DHRSX: variants seen among roughly 807,000 people sequenced by gnomAD.
DHRSX encodes the protein dehydrogenase/reductase X-linked.
Under a neutral mutation model 34.0 loss-of-function variants are expected in DHRSX, and 31 were observed. The ratio of observed to expected loss-of-function variants is 0.91; its 90% confidence interval spans 0.69 to 1.23. The LOEUF is 1.23. Ranked by LOEUF, DHRSX falls within the 50% of genes most tolerant of loss-of-function variation. DHRSX has a pLI of 0.00. For missense variants in DHRSX, 414 were observed against 428.1 expected (o/e 0.97, Z 0.29); for synonymous variants, 201 against 183.8 (o/e 1.09, Z -0.76).
At chrX:2,440,314 T>A (rs925863659) in intron 1 of DHRSX, among the ~76,000 whole-genome samples, 20 of 150,142 alleles carry the variant, frequency 1.3e-4, no homozygotes, top group Non-Finnish European at 2.5e-4. Flanking sequence ...AAACCTCCCA[T>A]CTCAGCCTCC....
chrX:2,240,046 A>G (rs1440169457), intron 6 of DHRSX, among the ~76,000 whole-genome samples: 1 of 151,982 alleles, frequency 6.6e-6, no homozygotes, highest in African/African-American at 2.4e-5. Flanking sequence ...TAATCCCATC[A>G]CTTAGGAAGG....
intron 1 of DHRSX, among the ~76,000 whole-genome samples, chrX:2,434,854 T>G (rs1001138183): frequency 3.9e-5 from 6 of 152,196 alleles, no homozygotes; most frequent in Admixed American, 2.6e-4. Flanking sequence ...AAAGACTTTT[T>G]GCAGGTGTTA....
At chrX:2,453,947 A>C (rs1056947732) in intron 1 of DHRSX, among the ~76,000 whole-genome samples, 6 of 152,150 alleles carry the variant, frequency 3.9e-5, no homozygotes, top group African/African-American at 1.4e-4. Context: ...AATTAACTTT[A>C]TTGTTAATAT....
intron 2 of DHRSX, among the ~76,000 whole-genome samples, chrX:2,414,591 A>G (rs942621492): frequency 2.6e-5 from 4 of 151,938 alleles, no homozygotes; most frequent in African/African-American, 9.7e-5. Context: ...TCTCCTCATG[A>G]CATAATCCAA....
rs752527455 is a variant in DHRSX, at chrX:2,488,587, T to C, written c.109+12230A>G. The C allele has an allele frequency of 2.6e-6, 4 of 1,535,492 alleles. No individual in the cohort carries two copies. In the African/African-American group the frequency reaches 4.2e-5, roughly 16 times the overall value. On this transcript the variant is annotated intron_variant, in intron 1 of 6. Transcript: ENST00000334651. ...CCGGGTAAGTATTTACAGCAAAGCATCCAATGGGCTGCTGCGGGGATGACT... is the reference window on the plus strand; with the variant it reads ...CCGGGTAAGTATTTACAGCAAAGCACCCAATGGGCTGCTGCGGGGATGACT...
chrX:2,283,020 A>C (rs1412653025), intron 4 of DHRSX, among the ~76,000 whole-genome samples: 2 of 151,418 alleles, frequency 1.3e-5, no homozygotes, highest in Non-Finnish European at 2.9e-5. Flanking sequence ...AGAGAATGAC[A>C]GAGAGACGGG....
At chrX:2,261,628 T>C (rs34165489) in intron 5 of DHRSX, 39,900 of 151,832 alleles carry the variant, frequency 0.26, 7,027 homozygotes, top group African/African-American at 0.48. Context: ...AAAAATCAAC[T>C]GGACGTGGTG....
At chrX:2,244,931 C>T (rs1447030344) in intron 5 of DHRSX, among the ~76,000 whole-genome samples, 8 of 151,960 alleles carry the variant, frequency 5.3e-5, no homozygotes, top group South Asian at 2.1e-4. Context: ...AGGATGGTCT[C>T]GATCTCCTGA....
intron 3 of DHRSX, among the ~76,000 whole-genome samples, chrX:2,333,893 G>T (rs779364839): frequency 4.9e-4 from 75 of 152,184 alleles, no homozygotes; most frequent in African/African-American, 1.7e-3. Context: ...ATGATCTCCA[G>T]CTCCATCCAT....
In DHRSX at chrX:2,249,934, C is replaced by A. The variant is rs770168555; in HGVS notation, c.597-6704G>T. Among the ~76,000 whole-genome samples, 418 of 151,832 alleles carry A rather than the reference C, an allele frequency of 2.8e-3. 1 individual carries two copies. Among genetic ancestry groups the A allele is most frequent in the African/African-American group, 9.6e-3 (398 of 41,476 alleles). On this transcript the variant is annotated intron_variant, in intron 5 of 6. Transcript: ENST00000334651. The stretch of plus-strand genomic sequence containing the variant: ...ATCCCAGGACTTTGGGAGGCCAAGG[C>A]TGGCAGATCACGAGGTCAGGAGATC...
chrX:2,254,562 G>T (rs1290203197), intron 5 of DHRSX, among the ~76,000 whole-genome samples: 4 of 152,100 alleles, frequency 2.6e-5, no homozygotes, highest in Admixed American at 6.6e-5. Flanking sequence ...TAATATTCTT[G>T]ATAACTATCA....
chrX:2,220,747 G>C lies in DHRSX; in HGVS notation c.*294C>G, dbSNP rs1007887648. ...GTACTCAGTTGTATTAACGCGGCAA[G>C]GAAAATGGCACATTTATGTTGGAAA... is the stretch of plus-strand genomic sequence containing the variant. On this transcript the variant is annotated 3_prime_UTR_variant, in exon 7 of 7. Coordinates refer to ENST00000334651, the MANE Select transcript of DHRSX (RefSeq NM_145177.3). The C allele has an allele frequency of 3.3e-5, 14 of 421,084 alleles. No individual in the cohort carries two copies. Among genetic ancestry groups the C allele is most frequent in the African/African-American group, 2.7e-4 (14 of 50,994 alleles). 26.1% of individuals were successfully genotyped at this position (421,084 alleles called of 1,614,324 possible).
intron 3 of DHRSX, among the ~76,000 whole-genome samples, chrX:2,340,671 G>C (rs1360658518): frequency 6.6e-6 from 1 of 152,094 alleles, no homozygotes; most frequent in Non-Finnish European, 1.5e-5. Flanking sequence ...AATAATAAAA[G>C]CCACAGTCTT....
At chrX:2,416,694 T>A in intron 2 of DHRSX, among the ~76,000 whole-genome samples, 1 of 152,146 alleles carries the variant, frequency 6.6e-6, no homozygotes, top group Non-Finnish European at 1.5e-5. Flanking sequence ...TGAAAAAAAA[T>A]GATCCCCCAC....
At chrX:2,490,315 G>A (rs751875632) in intron 1 of DHRSX, 26 of 1,613,296 alleles carry the variant, frequency 1.6e-5, no homozygotes, top group African/African-American at 1.2e-4. Flanking sequence ...ACAGCCCCTC[G>A]CAGATGAGGC....
chrX:2,491,067 T>TG (rs1491290853), intron 1 of DHRSX, among the ~76,000 whole-genome samples: 1 of 19,108 alleles, frequency 5.2e-5, no homozygotes, highest in Non-Finnish European at 1.3e-4. Context: ...GTGCCTTTAG[T>TG]TTTTTTTTTT....
rs185285546 is a variant in DHRSX at position 2,229,797 on chromosome X, G to A, written c.805-8568C>T. Among the ~76,000 whole-genome samples the A allele has an allele frequency of 6.4e-3, 981 of 152,182 alleles. 5 individuals are homozygous for A. The highest frequency in any genetic ancestry group is 0.014 in the Middle Eastern group (4 of 294). Reference sequence around the variant, plus strand: ...CAGATGTGCGGGTATGGGCCTGCGTGTGTTTGCACATGTGTATATGTATGC... The same window carrying A: ...CAGATGTGCGGGTATGGGCCTGCGTATGTTTGCACATGTGTATATGTATGC... On this transcript the variant is annotated intron_variant, in intron 6 of 6. Transcript: ENST00000334651.
chrX:2,231,901 CTCT>C (rs963151618), intron 6 of DHRSX, among the ~76,000 whole-genome samples: 2 of 149,898 alleles, frequency 1.3e-5, no homozygotes, highest in East Asian at 2.0e-4. Context: ...CCTCCTCTTT[CTCT>C]TATCTTCTTC....
intron 4 of DHRSX, among the ~76,000 whole-genome samples, chrX:2,270,414 G>A (rs916203980): frequency 1.7e-4 from 26 of 152,300 alleles, no homozygotes; most frequent in Non-Finnish European, 3.5e-4. Context: ...AGACGGAGCA[G>A]GGACTCCAGC....
Sources: gnomAD v4.1 joint callset for allele counts (sites outside exome capture counted in the v4.1 genomes callset) on GRCh38, gnomAD v4.1.1 for gene constraint, MANE v1.5 for transcripts, NCBI Gene and HGNC (gene_info 2026-07-23, HGNC 2026-07-21) for gene names.